Variants in PCBP3 observed in about 807,000 individuals in gnomAD.
The protein encoded by PCBP3 is poly(rC)-binding protein 3.
A neutral mutation model predicts 52.7 loss-of-function variants in PCBP3; 25 were observed. The ratio of observed to expected loss-of-function variants is 0.47; its 90% CI spans 0.35 to 0.66. The LOEUF (loss-of-function observed/expected upper bound fraction) is 0.66. PCBP3 is among the 30% of genes least tolerant of loss of function. The pLI is 0.01. For missense variants in PCBP3, 391 were observed against 490.3 expected (o/e 0.80, Z 1.91); for synonymous variants, 162 against 183.0 (o/e 0.89, Z 0.93).
At chr21:45,833,478 G>A (rs1338064510) in intron 4 of PCBP3, among the ~76,000 whole-genome samples, 2 of 152,294 alleles carry the variant, frequency 1.3e-5, no homozygotes, top group East Asian at 1.9e-4. Flanking sequence ...ACTTTCCCAC[G>A]TTGGCCCCTG....
intron 5 of PCBP3, among the ~76,000 whole-genome samples, chr21:45,860,182 G>T (rs1303037794): frequency 6.6e-6 from 1 of 152,124 alleles, no homozygotes; most frequent in African/African-American, 2.4e-5. Flanking sequence ...CGACATCCGG[G>T]CTGTGGCCTC....
At chr21:45,687,331 A>G (rs2082212914) in intron 2 of PCBP3, among the ~76,000 whole-genome samples, 1 of 152,244 alleles carries the variant, frequency 6.6e-6, no homozygotes. Flanking sequence ...AAGAGAAGTT[A>G]GAGAAAGTTC....
intron 1 of PCBP3, among the ~76,000 whole-genome samples, chr21:45,650,351 G>A (rs2079597267): frequency 6.6e-6 from 1 of 152,090 alleles, no homozygotes; most frequent in Admixed American, 6.5e-5. Context: ...TGGGATTTTG[G>A]CATATATATT....
At chr21:45,913,279 G>A (rs1329461430) in intron 11 of PCBP3, among the ~76,000 whole-genome samples, 1 of 152,264 alleles carries the variant, frequency 6.6e-6, no homozygotes, top group Non-Finnish European at 1.5e-5. Flanking sequence ...TTCCTCTGGA[G>A]TCTATAAGCA....
At chr21:45,906,873 G>C (rs1446517968) in intron 9 of PCBP3, among the ~76,000 whole-genome samples, 1 of 152,240 alleles carries the variant, frequency 6.6e-6, no homozygotes, top group Non-Finnish European at 1.5e-5. Context: ...TGGAAAATAG[G>C]GAGAGAAAAC....
rs1333892939 is a variant in PCBP3 at position 45,669,811 on chromosome 21, A to G, written c.-200+859A>G. Among the ~76,000 whole-genome samples the G allele has an allele frequency of 4.1e-3, 327 of 79,986 alleles. 1 individual carries two copies. The highest frequency in any genetic ancestry group is 9.8e-3 in the African/African-American group (192 of 19,514). The allele number at this position is 79,986 out of a possible 152,430, so 52.5% of individuals were successfully genotyped here. On this transcript the variant is annotated intron_variant, in intron 2 of 17. Transcript: ENST00000681687. The stretch of plus-strand genomic sequence containing the variant: ...ATTGTGTGTGTGTGTGTGTGTATAT[A>G]TATATATATATATATATATATATAT...
intron 4 of PCBP3, among the ~76,000 whole-genome samples, chr21:45,809,658 C>T (rs555924411): frequency 6.6e-6 from 1 of 152,338 alleles, no homozygotes; most frequent in Admixed American, 6.5e-5. Context: ...ACAGCAGCTG[C>T]TAAGTGCGGC....
chr21:45,903,557 G>A (rs2096121749), intron 9 of PCBP3, among the ~76,000 whole-genome samples: 3 of 152,050 alleles, frequency 2.0e-5, no homozygotes, highest in Non-Finnish European at 2.9e-5. Flanking sequence ...TGAGGGCAGT[G>A]GTTACTGTTT....
intron 8 of PCBP3, 125 bp from the exon 9 acceptor site, chr21:45,900,872 A>G: frequency 1.3e-6 from 1 of 748,992 alleles, no homozygotes; most frequent in Non-Finnish European, 2.4e-6. Context: ...TTTACTGTTC[A>G]TTCATGGTTT....
At chr21:45,864,875 G>C (rs1214918419) in intron 5 of PCBP3, among the ~76,000 whole-genome samples, 1 of 152,160 alleles carries the variant, frequency 6.6e-6, no homozygotes, top group Admixed American at 6.5e-5. Flanking sequence ...CATTTTAGTT[G>C]TATCGAATAG....
intron 4 of PCBP3, among the ~76,000 whole-genome samples, chr21:45,769,553 C>A (rs149783418): frequency 1.3e-5 from 2 of 152,262 alleles, no homozygotes; most frequent in Admixed American, 1.3e-4. Context: ...CCTATCCAGG[C>A]CGGTCTTGTG....
At chr21:45,718,855 G>T (rs2084409658) in intron 2 of PCBP3, among the ~76,000 whole-genome samples, 1 of 152,182 alleles carries the variant, frequency 6.6e-6, no homozygotes, top group Admixed American at 6.5e-5. Context: ...ATTGCCACAG[G>T]ATATTTTATG....
chr21:45,840,318 A>G (rs1047687176), intron 4 of PCBP3, among the ~76,000 whole-genome samples: 3 of 151,572 alleles, frequency 2.0e-5, no homozygotes, highest in African/African-American at 4.8e-5. Context: ...TTAGCCAGGC[A>G]TGGTGGCGGG....
chr21:45,914,020 G>A lies in PCBP3; in HGVS notation c.670G>A (p.Gly224Ser), dbSNP rs1455802772. Reference protein sequence around the residue: ...PASTPVIFAGGQAYTIQGQYA... With the variant: ...PASTPVIFAGSQAYTIQGQYA... ...CTCCACCCCTGTCATTTTTGCAGGT[G>A]GTCAGGTAAGAGCCGATCCGCTCGC... is the stretch of plus-strand genomic sequence containing the variant. Residue 224 changes from glycine (G) to serine (S), a missense_variant, in exon 12 of 18, where the codon GGT becomes AGT. Physicochemically the swap from Gly to Ser is moderately conservative, Grantham distance 56. Transcript: ENST00000681687. 1 of 1,613,658 alleles carries A rather than the reference G, an allele frequency of 6.2e-7. No individual in the cohort carries two copies. Among genetic ancestry groups the A allele is most frequent in the East Asian group, 2.2e-5 (1 of 44,876 alleles).
intron 1 of PCBP3, among the ~76,000 whole-genome samples, chr21:45,646,053 TTCTC>T (rs10682556): frequency 1.4e-3 from 99 of 71,528 alleles, no homozygotes; most frequent in African/African-American, 2.3e-3. Flanking sequence ...TGTCACCTGT[TTCTC>T]TCTCTCTCTC....
intron 4 of PCBP3, among the ~76,000 whole-genome samples, chr21:45,842,578 G>A (rs1195757512): frequency 6.6e-6 from 1 of 152,086 alleles, no homozygotes; most frequent in Non-Finnish European, 1.5e-5. Flanking sequence ...TTCATGTTGA[G>A]GTATGCCTAA....
At chr21:45,681,803 T>C (rs2081867274) in intron 2 of PCBP3, among the ~76,000 whole-genome samples, 1 of 152,150 alleles carries the variant, frequency 6.6e-6, no homozygotes, top group African/African-American at 2.4e-5. Flanking sequence ...TTTTGTCTTC[T>C]GGAAAATATG....
At chr21:45,798,112 A>G (rs552084693) in intron 4 of PCBP3, among the ~76,000 whole-genome samples, 1 of 145,210 alleles carries the variant, frequency 6.9e-6, no homozygotes, top group East Asian at 2.1e-4. Flanking sequence ...GAATACGTGG[A>G]TGGACAGATG....
chr21:45,671,084 A>G (rs966028685), intron 2 of PCBP3, among the ~76,000 whole-genome samples: 1 of 152,194 alleles, frequency 6.6e-6, no homozygotes, highest in Non-Finnish European at 1.5e-5. Context: ...GGCAAGATCC[A>G]GTGATGGGGT....
Sources: allele counts gnomAD v4.1 joint callset (sites outside exome capture counted in the v4.1 genomes callset), GRCh38; gene constraint gnomAD v4.1.1; transcripts MANE v1.5; gene names NCBI Gene and HGNC (gene_info 2026-07-23, HGNC 2026-07-21).